GPC6: variants seen among roughly 807,000 people sequenced by gnomAD.
The protein encoded by GPC6 is glypican-6.
In GPC6, 14 loss-of-function variants were observed where a neutral mutation model predicts 55.2. That is an observed-to-expected ratio of 0.25 (90% CI 0.17 to 0.40). GPC6 has a LOEUF of 0.40. Ranked by LOEUF, GPC6 falls within the 10% of genes least tolerant of loss-of-function variation. GPC6 has a pLI of 1.00. For synonymous variants in GPC6, 278 were observed against 259.6 expected, an observed-to-expected ratio of 1.07 and a Z score of -0.68; for missense variants, 641 against 708.5, an observed-to-expected ratio of 0.90 and a Z score of 1.08.
chr13:93,972,079 C>A (rs1455500076), intron 3 of GPC6, among the ~76,000 whole-genome samples: 2 of 152,126 alleles, frequency 1.3e-5, no homozygotes, highest in African/African-American at 4.8e-5. Flanking sequence ...ACTGTAGAAC[C>A]CTGGTCTTGG....
At chr13:94,106,524 G>T (rs1043965404) in intron 4 of GPC6, among the ~76,000 whole-genome samples, 1 of 151,978 alleles carries the variant, frequency 6.6e-6, no homozygotes, top group Non-Finnish European at 1.5e-5. Context: ...AAGAGAGTGA[G>T]GGAAGTGAGG....
the GPC6 span, among the ~76,000 whole-genome samples, chr13:93,219,856 AT>A: frequency 9.0e-5 from 6 of 67,026 alleles, no homozygotes; most frequent in Non-Finnish European, 1.9e-4. Context: ...TGTTTATCTA[AT>A]TAATTTTTTG....
At chr13:94,041,353 A>G (rs1883525301) in intron 4 of GPC6, among the ~76,000 whole-genome samples, 1 of 151,820 alleles carries the variant, frequency 6.6e-6, no homozygotes, top group African/African-American at 2.4e-5. Context: ...ATCCATTTAC[A>G]CAGAGAAGTC....
intron 1 of GPC6, among the ~76,000 whole-genome samples, chr13:93,512,206 G>A (rs935646268): frequency 6.6e-6 from 1 of 151,840 alleles, no homozygotes; most frequent in African/African-American, 2.4e-5. Flanking sequence ...AGACTTCCAG[G>A]GCTATACTGA....
At chr13:93,296,947 C>T (rs891318449) in intron 1 of GPC6, among the ~76,000 whole-genome samples, 1 of 152,130 alleles carries the variant, frequency 6.6e-6, no homozygotes, top group Non-Finnish European at 1.5e-5. Context: ...AGGCCAAATA[C>T]AGGGTCAGAA....
rs554682900 is a variant in GPC6 at position 93,765,708 on chromosome 13, A to G, written c.320-64446A>G. On this transcript the variant is annotated intron_variant, in intron 2 of 8. Transcript: ENST00000377047. ...CACCCTAAAGCTACAGAAATACAGG[A>G]CAATTAATGAAATGCAAAGGTATCT... Among the ~76,000 whole-genome samples, 4 of 152,326 alleles carry G rather than the reference A, an allele frequency of 2.6e-5. No individual in the cohort carries two copies. In the East Asian group the frequency reaches 7.7e-4, roughly 29 times the overall value.
chr13:93,227,797 A>G lies in GPC6; in HGVS notation c.160+181A>G, dbSNP rs1047883677. On this transcript the variant is annotated intron_variant, in intron 1 of 8. Transcript: ENST00000377047. This position sits in a 1 kb window ranked among gnomAD's most constrained non-coding sequence, Gnocchi z 4.3. ...GCTCCTGCGGCTTCTTCGGCGGGGG[A>G]AGGTGTGCGTCTCCGCCGCCTCATT... is the stretch of plus-strand genomic sequence containing the variant. Among the ~76,000 whole-genome samples, 1 of 151,786 alleles carries G rather than the reference A, an allele frequency of 6.6e-6. No homozygotes were observed. The highest frequency in any genetic ancestry group is 1.5e-5 in the Non-Finnish European group (1 of 67,916).
chr13:94,203,732 A>G (rs1228029246), intron 4 of GPC6, among the ~76,000 whole-genome samples: 1 of 152,096 alleles, frequency 6.6e-6, no homozygotes, highest in African/African-American at 2.4e-5. Flanking sequence ...TACTTCGAAA[A>G]TTCTCAACTA....
chr13:93,753,104 G>A (rs1884653793), intron 2 of GPC6, among the ~76,000 whole-genome samples: 2 of 152,190 alleles, frequency 1.3e-5, no homozygotes. Flanking sequence ...CTTTGGTGAT[G>A]ACATATTCAG....
chr13:93,640,080 A>G (rs532822259), intron 2 of GPC6, among the ~76,000 whole-genome samples: 26 of 152,264 alleles, frequency 1.7e-4, no homozygotes, highest in African/African-American at 6.3e-4. Flanking sequence ...AAGCATATTT[A>G]TCAAAATTAA....
chr13:94,003,426 G>C lies in GPC6; in HGVS notation c.712-24303G>C, dbSNP rs1192555669. On this transcript the variant is annotated intron_variant, in intron 3 of 8. Transcript: ENST00000377047. ...AGAGGAAGAAGTGTCAAAATTACAAGAGGAGCACTGCTCTTAGCAAATAAT... is the reference window on the plus strand; with the variant it reads ...AGAGGAAGAAGTGTCAAAATTACAACAGGAGCACTGCTCTTAGCAAATAAT... Among the ~76,000 whole-genome samples, 5 of 152,322 alleles carry C rather than the reference G, an allele frequency of 3.3e-5. No homozygotes were observed. The East Asian group carries it at 9.7e-4, about 29-fold the overall frequency.
intron 1 of GPC6, among the ~76,000 whole-genome samples, chr13:93,326,028 A>T (rs1224642488): frequency 6.6e-6 from 1 of 152,110 alleles, no homozygotes; most frequent in Non-Finnish European, 1.5e-5. Context: ...GCACAGGGAG[A>T]ATTATCTGAC....
intron 3 of GPC6, among the ~76,000 whole-genome samples, chr13:93,841,854 C>A (rs1208335554): frequency 6.6e-6 from 1 of 152,066 alleles, no homozygotes; most frequent in African/African-American, 2.4e-5. Context: ...TGAGGAAGAT[C>A]AACTTTTCTA....
chr13:94,089,162 G>A (rs1885391289), intron 4 of GPC6, among the ~76,000 whole-genome samples: 1 of 152,126 alleles, frequency 6.6e-6, no homozygotes, highest in Non-Finnish European at 1.5e-5. Flanking sequence ...AGGAGCTGCT[G>A]TATGCTAATG....
intron 2 of GPC6, among the ~76,000 whole-genome samples, chr13:93,551,163 C>T (rs1243881393): frequency 6.6e-6 from 1 of 152,154 alleles, no homozygotes; most frequent in Non-Finnish European, 1.5e-5. Context: ...TGCAAGTCCA[C>T]AAAGTCTGTC....
intron 1 of GPC6, among the ~76,000 whole-genome samples, chr13:93,344,211 T>A (rs1880357119): frequency 6.6e-6 from 1 of 152,160 alleles, no homozygotes; most frequent in Admixed American, 6.5e-5. Flanking sequence ...TGTTCTTCTG[T>A]GGTCAAACTG....
intron 4 of GPC6, among the ~76,000 whole-genome samples, chr13:94,133,331 A>G (rs1887071169): frequency 6.6e-6 from 1 of 152,040 alleles, no homozygotes; most frequent in South Asian, 2.1e-4. Flanking sequence ...TAAATAAAAT[A>G]AAATTCTAAC....
At chr13:94,367,767 C>A (rs997537679) in intron 6 of GPC6, among the ~76,000 whole-genome samples, 1 of 150,982 alleles carries the variant, frequency 6.6e-6, no homozygotes, top group Non-Finnish European at 1.5e-5. Context: ...TTCAAACCTT[C>A]AAAGATTCAC....
At chr13:93,310,366 G>A (rs1189002045) in intron 1 of GPC6, among the ~76,000 whole-genome samples, 1 of 152,112 alleles carries the variant, frequency 6.6e-6, no homozygotes, top group Non-Finnish European at 1.5e-5. Context: ...CCAAGAGCTT[G>A]GGGTTTTGAC....
Sources: gnomAD v4.1 joint callset for allele counts (sites outside exome capture counted in the v4.1 genomes callset) on GRCh38, gnomAD v4.1.1 for gene constraint, Gnocchi (gnomAD v3.1) non-coding constraint, MANE v1.5 for transcripts, NCBI Gene and HGNC (gene_info 2026-07-23, HGNC 2026-07-21) for gene names.